The following RNF175 variants were observed in gnomAD, a reference collection of about 807,000 sequenced individuals.
RNF175 encodes ring finger protein 175.
A neutral mutation model predicts 50.0 loss-of-function variants in RNF175; 38 were observed. The observed-to-expected ratio is 0.76, with a 90% CI of 0.59 to 1.00. The LOEUF (loss-of-function observed/expected upper bound fraction) is 1.00. Among genes scored for constraint, RNF175 ranks in the 50% least tolerant of loss-of-function variants. RNF175 has a pLI of 0.00. For missense variants in RNF175, 388 were observed against 409.6 expected, an observed-to-expected ratio of 0.95 and a Z score of 0.46; for synonymous variants, 155 against 146.1, an observed-to-expected ratio of 1.06 and a Z score of -0.44.
intron 8 of RNF175, among the ~76,000 whole-genome samples, chr4:153,712,059 T>TGTACTAAAAATA (rs879410643): frequency 6.6e-6 from 1 of 152,228 alleles, no homozygotes; most frequent in Admixed American, 6.5e-5. Context: ...AATAGTTTTC[T>TGTACTAAAAATA]GTACTCTAGT....
chr4:153,726,036 A>G (rs746131822), intron 4 of RNF175, among the ~76,000 whole-genome samples: 10 of 152,090 alleles, frequency 6.6e-5, no homozygotes, highest in East Asian at 1.9e-4. Context: ...GCTGGATTCA[A>G]TGTGATCAAG....
At chr4:153,735,362 C>T (rs201566620) in intron 3 of RNF175, among the ~76,000 whole-genome samples, 1 of 152,024 alleles carries the variant, frequency 6.6e-6, no homozygotes, top group East Asian at 1.9e-4. Context: ...TATTTGTGGG[C>T]TCTCTATTCT....
At chr4:153,749,711 C>A (rs538591714) in intron 2 of RNF175, among the ~76,000 whole-genome samples, 1 of 152,172 alleles carries the variant, frequency 6.6e-6, no homozygotes, top group Non-Finnish European at 1.5e-5. Context: ...TTAGGAAACA[C>A]TGGGAAGCTT....
At chr4:153,710,883 T>A (rs991056687) in intron 8 of RNF175, among the ~76,000 whole-genome samples, 15 of 152,228 alleles carry the variant, frequency 9.9e-5, no homozygotes, top group African/African-American at 3.4e-4. Context: ...CCATTGTATA[T>A]TACAAAGAAT....
intron 3 of RNF175, among the ~76,000 whole-genome samples, chr4:153,746,315 C>T (rs1385018179): frequency 6.6e-6 from 1 of 152,246 alleles, no homozygotes; most frequent in East Asian, 1.9e-4. Context: ...ACTCCATGTC[C>T]TACTTTCTGG....
intron 3 of RNF175, among the ~76,000 whole-genome samples, chr4:153,743,565 C>T (rs1560790382): frequency 1.3e-5 from 2 of 152,156 alleles, no homozygotes; most frequent in Non-Finnish European, 2.9e-5. Context: ...TTTATGCAGG[C>T]TCCTGGCTTT....
At chr4:153,747,256 CTG>C (rs1193031777) in intron 3 of RNF175, among the ~76,000 whole-genome samples, 2 of 152,202 alleles carry the variant, frequency 1.3e-5, no homozygotes, top group African/African-American at 4.8e-5. Flanking sequence ...CGTAGCCAGG[CTG>C]TGAGTTTTCC....
chr4:153,755,786 C>T (rs1012433314), intron 1 of RNF175, among the ~76,000 whole-genome samples: 2 of 152,006 alleles, frequency 1.3e-5, no homozygotes, highest in Admixed American at 1.3e-4. Context: ...ATGAAATGCT[C>T]ACCAAGTACC....
At chr4:153,756,005 T>C (rs1423575621) in intron 1 of RNF175, among the ~76,000 whole-genome samples, 1 of 152,196 alleles carries the variant, frequency 6.6e-6, no homozygotes, top group Non-Finnish European at 1.5e-5. Flanking sequence ...ACATCTGTAA[T>C]AAAAAAGCCC....
At chr4:153,735,705 A>T (rs1019955373) in intron 3 of RNF175, among the ~76,000 whole-genome samples, 1 of 152,204 alleles carries the variant, frequency 6.6e-6, no homozygotes, top group Admixed American at 6.5e-5. Context: ...TTCTCTGTAT[A>T]GATCCTGTAC....
chr4:153,718,222 G>GTTTTTTTTTTTTTTTTTTTTTTTTTTTTT lies in RNF175; in HGVS notation c.630+1961_630+1962insAAAAAAAAAAAAAAAAAAAAAAAAAAAAA, dbSNP rs1460898288. Among the ~76,000 whole-genome samples, 9 of 37,540 alleles carry GTTTTTTTTTTTTTTTTTTTTTTTTTTTTT rather than the reference G, an allele frequency of 2.4e-4. 3 individuals carry two copies. Among genetic ancestry groups the GTTTTTTTTTTTTTTTTTTTTTTTTTTTTT allele is most frequent in the Non-Finnish European group, 3.5e-4 (5 of 14,146 alleles). 24.6% of individuals were successfully genotyped at this position (37,540 alleles called of 152,430 possible). ...CTTTCCTAAGGAGTTTTTTTTGTTT[G>GTTTTTTTTTTTTTTTTTTTTTTTTTTTTT]TTTGTTTGTTTGTTTGTTTTTTTTT... On this transcript the variant is annotated intron_variant, in intron 6 of 8. Coordinates refer to ENST00000347063, the MANE Select transcript of RNF175 (RefSeq NM_173662.4).
chr4:153,735,832 T>A (rs1204471216), intron 3 of RNF175, among the ~76,000 whole-genome samples: 1 of 152,252 alleles, frequency 6.6e-6, no homozygotes, highest in Non-Finnish European at 1.5e-5. Context: ...CTTTTGTATA[T>A]TTACTTTGTA....
chr4:153,736,502 T>TA (rs1369257133), intron 3 of RNF175, among the ~76,000 whole-genome samples: 3 of 152,216 alleles, frequency 2.0e-5, no homozygotes, highest in Non-Finnish European at 4.4e-5. Flanking sequence ...CTGGTTTTTT[T>TA]ATGAGGGTAA....
At chr4:153,751,889 C>G (rs562640983) in intron 1 of RNF175, among the ~76,000 whole-genome samples, 1 of 152,312 alleles carries the variant, frequency 6.6e-6, no homozygotes, top group South Asian at 2.1e-4. Context: ...TAAATATCTC[C>G]AATGTCAGTG....
intron 3 of RNF175, 22 bp downstream of exon 3, chr4:153,748,623 A>C: frequency 8.3e-6 from 13 of 1,557,420 alleles, no homozygotes; most frequent in Non-Finnish European, 1.1e-5. Context: ...GCAGGCTCCC[A>C]GCAGCCACGG....
chr4:153,723,169 G>A, intron 5 of RNF175, 182 bp downstream of exon 5: 1 of 382,702 alleles, frequency 2.6e-6, no homozygotes, highest in South Asian at 5.5e-5. Flanking sequence ...TATTTTGTAG[G>A]GTGCTTCTTT....
intron 4 of RNF175, 148 bp from the exon 5 acceptor site, chr4:153,723,606 C>T (rs566818223): frequency 1.7e-6 from 1 of 583,540 alleles, no homozygotes; most frequent in East Asian, 2.9e-5. Context: ...ACACACAGAA[C>T]ACAGATGTAT....
intron 6 of RNF175, among the ~76,000 whole-genome samples, chr4:153,718,230 G>GTTTTTTTTTTTTTTTTTTTTT (rs1272804247): frequency 2.5e-4 from 8 of 31,864 alleles, no homozygotes; most frequent in South Asian, 2.0e-3. Context: ...TTGTTTGTTT[G>GTTTTTTTTTTTTTTTTTTTTT]TTTGTTTGTT....
chr4:153,750,562 A>G (rs1740231978), intron 2 of RNF175, among the ~76,000 whole-genome samples: 1 of 152,228 alleles, frequency 6.6e-6, no homozygotes, highest in African/African-American at 2.4e-5. Flanking sequence ...GATGAAATCC[A>G]TATCAGGTAA....
Sources: gnomAD v4.1 joint callset for allele counts (sites outside exome capture counted in the v4.1 genomes callset) on GRCh38, gnomAD v4.1.1 for gene constraint, MANE v1.5 for transcripts, NCBI Gene and HGNC (gene_info 2026-07-23, HGNC 2026-07-21) for gene names.